ZNF107: variants seen among roughly 807,000 people sequenced by gnomAD.
ZNF107 encodes the protein zinc finger protein 107.
Under a neutral mutation model 12.3 loss-of-function variants are expected in ZNF107, and 19 were observed. The observed-to-expected ratio is 1.55, with a 90% CI of 1.08 to 2.27. ZNF107 has a LOEUF of 2.27. Ranked by LOEUF, ZNF107 falls within the 30% of genes most tolerant of loss-of-function variation. The pLI is 0.00. For missense variants in ZNF107, 958 were observed against 979.9 expected (o/e 0.98, Z 0.30); for synonymous variants, 317 against 330.5 (o/e 0.96, Z 0.44).
rs1790788502 is a variant in ZNF107, at chr7:64,708,731, G to A, written c.*75G>A. 2.8e-6 allele frequency: 4 copies of A among 1,429,842 alleles called. No homozygotes were observed. Among genetic ancestry groups the A allele is most frequent in the Non-Finnish European group, 3.8e-6 (4 of 1,061,838 alleles). The allele number at this position is 1,429,842 out of a possible 1,614,324, so 88.6% of individuals were successfully genotyped here. A position where few individuals can be genotyped will look rare whatever the true frequency, so the allele number is the denominator to read the frequency against. On this transcript the variant is annotated 3_prime_UTR_variant, in exon 4 of 4. Coordinates refer to ENST00000620827, the MANE Select transcript of ZNF107 (RefSeq NM_001282359.2). Reference sequence around the variant, plus strand: ...CTACAAATGTGAAGAATGTGTTAAAGCCTTTAACAAGTCTTCAACTTTTTC... The same window carrying A: ...CTACAAATGTGAAGAATGTGTTAAAACCTTTAACAAGTCTTCAACTTTTTC...
chr7:64,691,164 A>AC (rs1467425845), intron 1 of ZNF107, 84 bp from the exon 2 acceptor site: 1 of 1,212,398 alleles, frequency 8.2e-7, no homozygotes, highest in East Asian at 4.2e-5. Flanking sequence ...GAACCACAGT[A>AC]CCCGACTATC....
chr7:64,706,318 T>G lies in ZNF107; in HGVS notation c.227-6T>G. ...TGGAGTAATTTATTATTTTTATTTCTTTCAGTAATGTCTTTTCATTTTGCC... is the reference window on the plus strand; with the variant it reads ...TGGAGTAATTTATTATTTTTATTTCGTTCAGTAATGTCTTTTCATTTTGCC... On this transcript the variant is annotated splice_region_variant and splice_polypyrimidine_tract_variant and intron_variant, in intron 3 of 3. Transcript: ENST00000620827. 1.3e-6 allele frequency: 2 copies of G among 1,515,644 alleles called. No homozygotes were observed. Among genetic ancestry groups the G allele is most frequent in the Non-Finnish European group, 1.8e-6 (2 of 1,133,214 alleles). The allele number at this position is 1,515,644 out of a possible 1,614,324, so 93.9% of individuals were successfully genotyped here.
chr7:64,669,041 A>C (rs1789121294), intron 1 of ZNF107: 1 of 102,348 alleles, frequency 9.8e-6, no homozygotes, highest in South Asian at 3.5e-4. Context: ...TTTGAGATGG[A>C]GTCTCGCTCT....
Position 64,704,880 on chromosome 7 carries a change from A to G in ZNF107, c.227-1444A>G, listed in dbSNP as rs1471805422. On this transcript the variant is annotated intron_variant, in intron 3 of 3. Coordinates refer to ENST00000620827, the MANE Select transcript of ZNF107 (RefSeq NM_001282359.2). ...TTTTTAGTACAGATGGGGTTTCACC[A>G]TGTTGATCAGGCTGGTCTTGAACTC... Among the ~76,000 whole-genome samples the G allele has an allele frequency of 3.9e-5, 6 of 152,138 alleles. No individual in the cohort carries two copies. The East Asian group carries it at 5.8e-4, about 15-fold the overall frequency.
chr7:64,678,737 A>T (rs984089971), intron 1 of ZNF107, among the ~76,000 whole-genome samples: 2 of 152,154 alleles, frequency 1.3e-5, no homozygotes, highest in African/African-American at 2.4e-5. Flanking sequence ...ATTATAGTAG[A>T]TATTAGTATG....
At chr7:64,681,786 G>A (rs1369972833) in intron 1 of ZNF107, among the ~76,000 whole-genome samples, 5 of 152,064 alleles carry the variant, frequency 3.3e-5, no homozygotes, top group African/African-American at 1.2e-4. Context: ...CTACATATTA[G>A]TTCAAGACCT....
At chr7:64,702,777 G>C (rs1327071475) in intron 3 of ZNF107, among the ~76,000 whole-genome samples, 1 of 151,054 alleles carries the variant, frequency 6.6e-6, no homozygotes, top group African/African-American at 2.4e-5. Context: ...GGCTGTTCTC[G>C]AACTCTCCCG....
intron 1 of ZNF107, among the ~76,000 whole-genome samples, chr7:64,672,343 GTTTTA>G (rs1342725571): frequency 6.6e-6 from 1 of 151,872 alleles, no homozygotes; most frequent in East Asian, 1.9e-4. Context: ...TAAATATTTT[GTTTTA>G]TTTTATTTTT....
chr7:64,682,302 TCTC>T (rs927488170), intron 1 of ZNF107, among the ~76,000 whole-genome samples: 1 of 152,030 alleles, frequency 6.6e-6, no homozygotes, highest in African/African-American at 2.4e-5. Context: ...ATTCACCTAA[TCTC>T]CTAGACCCCA....
rs771974877 is a variant in ZNF107, at chr7:64,708,433, A to G, written c.2336A>G (p.His779Arg). Residue 779 changes from histidine (H) to arginine (R), a missense_variant, in exon 4 of 4, where the codon CAT (histidine) becomes CGT (arginine). Physicochemically the swap from His to Arg is conservative, Grantham distance 29 (BLOSUM62 0). Coordinates refer to ENST00000620827, the MANE Select transcript of ZNF107 (RefSeq NM_001282359.2). ...AACCAATCCTCAAACCTTACTACAC[A>G]TAAGAAAATTCATACTTCAGAGAAA... Reference protein sequence around the residue: ...AFNQSSNLTTHKKIHTSEKPY... With the variant: ...AFNQSSNLTTRKKIHTSEKPY... 39 of 1,605,116 alleles carry G rather than the reference A, an allele frequency of 2.4e-5. No homozygotes were observed. Among genetic ancestry groups the G allele is most frequent in the South Asian group, 2.1e-4 (19 of 90,674 alleles).
chr7:64,693,810 T>C (rs1249827467), intron 3 of ZNF107, among the ~76,000 whole-genome samples: 1 of 151,848 alleles, frequency 6.6e-6, no homozygotes, highest in Non-Finnish European at 1.5e-5. Flanking sequence ...TTTTTTGAGA[T>C]GGAGTTTCGC....
chr7:64,708,807 T>G lies in ZNF107; in HGVS notation c.*151T>G. On this transcript the variant is annotated 3_prime_UTR_variant, in exon 4 of 4. Transcript: ENST00000620827. The stretch of plus-strand genomic sequence containing the variant: ...GTGAGAAACCTTACAATGTAAAGAA[T>G]GTGGCACAGCTTTTAACTAATCTTC... The G allele has an allele frequency of 7.6e-6, 6 of 789,782 alleles. 1 individual carries two copies. In the South Asian group the frequency reaches 1.2e-4, roughly 15 times the overall value. The allele number at this position is 789,782 out of a possible 1,614,324, so 48.9% of individuals were successfully genotyped here. A position where few individuals can be genotyped will look rare whatever the true frequency, so the allele number is the denominator to read the frequency against.
Position 64,708,612 on chromosome 7 carries a change from C to G in ZNF107, c.2515C>G (p.His839Asp), listed in dbSNP as rs1012232239. Reference protein sequence around the residue: ...SSNLTTHKKIHTGEKPYKCEY... With the variant: ...SSNLTTHKKIDTGEKPYKCEY... ...AAATCTTACTACACATAAGAAAATTCATACTGGAGAGAAACCCTACAAATG... is the reference window on the plus strand; with the variant it reads ...AAATCTTACTACACATAAGAAAATTGATACTGGAGAGAAACCCTACAAATG... The change falls in exon 4 of 4, where the codon CAT becomes GAT. Residue 839 changes from histidine (H) to aspartate (D), a missense_variant. Physicochemically the swap from His to Asp is moderately conservative, Grantham distance 81 (BLOSUM62 -1). Transcript: ENST00000620827. 1 of 1,594,942 alleles carries G rather than the reference C, an allele frequency of 6.3e-7. No homozygotes were observed. Among genetic ancestry groups the G allele is most frequent in the Non-Finnish European group, 8.6e-7 (1 of 1,168,116 alleles).
chr7:64,690,740 T>C (rs1790088323), intron 1 of ZNF107, among the ~76,000 whole-genome samples: 1 of 152,064 alleles, frequency 6.6e-6, no homozygotes, highest in African/African-American at 2.4e-5. Flanking sequence ...ATCCTATACA[T>C]TTTTTTATTC....
chr7:64,709,607 ACTC>A lies in ZNF107; in HGVS notation c.*954_*956del, dbSNP rs544819334. ...TAGGTAAGAATCCATACTGAAGAAAACTCCTGGAAGTGTAAAAAATGTGGCAAC... is the reference window on the plus strand; with the variant it reads ...TAGGTAAGAATCCATACTGAAGAAAACTGGAAGTGTAAAAAATGTGGCAAC... On this transcript the variant is annotated 3_prime_UTR_variant, in exon 4 of 4. Transcript: ENST00000620827. 680 of 426,778 alleles carry A rather than the reference ACTC, an allele frequency of 1.6e-3. 1 individual carries two copies. The highest frequency in any genetic ancestry group is 3.8e-3 in the Admixed American group (125 of 33,138). The allele number at this position is 426,778 out of a possible 1,614,324, so 26.4% of individuals were successfully genotyped here.
intron 3 of ZNF107, among the ~76,000 whole-genome samples, chr7:64,699,609 T>A (rs2128965914): frequency 6.6e-6 from 1 of 152,282 alleles, no homozygotes; most frequent in South Asian, 2.1e-4. Flanking sequence ...ATTTTTATTA[T>A]TTGTAGGAAC....
chr7:64,711,490 A>G lies in ZNF107; in HGVS notation c.*2834A>G, dbSNP rs1166301482. 1 of 152,222 alleles carries G rather than the reference A, an allele frequency of 6.6e-6. No individual in the cohort carries two copies. The highest frequency in any genetic ancestry group is 6.5e-5 in the Admixed American group (1 of 15,278). 9.4% of individuals were successfully genotyped at this position (152,222 alleles called of 1,614,324 possible). A position where few individuals can be genotyped will look rare whatever the true frequency, so the allele number is the denominator to read the frequency against. On this transcript the variant is annotated 3_prime_UTR_variant, in exon 4 of 4. Coordinates refer to ENST00000620827, the MANE Select transcript of ZNF107 (RefSeq NM_001282359.2). ...CTTTAGAATGTACAGTCGTTACTAC[A>G]GGGTCATTTTATGGTTATAATAAAA...
chr7:64,677,406 A>G (rs532424875), intron 1 of ZNF107, among the ~76,000 whole-genome samples: 1 of 151,258 alleles, frequency 6.6e-6, no homozygotes, highest in African/African-American at 2.4e-5. Context: ...TCATGACCTT[A>G]GGTGATCCAC....
At chr7:64,693,933 T>C (rs1168101600) in intron 3 of ZNF107, among the ~76,000 whole-genome samples, 2 of 152,116 alleles carry the variant, frequency 1.3e-5, no homozygotes, top group Non-Finnish European at 2.9e-5. Context: ...GGATTACAGA[T>C]GTGTGCCACC....
Sources: gnomAD v4.1 joint callset for allele counts (sites outside exome capture counted in the v4.1 genomes callset) on GRCh38, gnomAD v4.1.1 for gene constraint, MANE v1.5 for transcripts, NCBI Gene and HGNC (gene_info 2026-07-23, HGNC 2026-07-21) for gene names.